Variants in GPD1L observed in about 807,000 individuals in gnomAD.
The protein encoded by GPD1L is glycerol-3-phosphate dehydrogenase 1 like.
In GPD1L, 17 loss-of-function variants were observed where a neutral mutation model predicts 32.9. The ratio of observed to expected loss-of-function variants is 0.52; its 90% CI spans 0.35 to 0.78. GPD1L has a LOEUF of 0.78. Among genes scored for constraint, GPD1L ranks in the 30% least tolerant of loss-of-function variants. The probability of loss-of-function intolerance (pLI) is 0.01; values close to 1 mark genes in which losing one functional copy is unlikely to be tolerated. For missense variants in GPD1L, 361 were observed against 447.8 expected, an observed-to-expected ratio of 0.81 and a Z score of 1.75; for synonymous variants, 187 against 165.9, an observed-to-expected ratio of 1.13 and a Z score of -0.98.
chr3:32,148,546 G>C (rs1700865973), intron 5 of GPD1L, among the ~76,000 whole-genome samples: 1 of 152,166 alleles, frequency 6.6e-6, no homozygotes, highest in South Asian at 2.1e-4. Flanking sequence ...TTTGAAAACT[G>C]AGAAACAGGC....
intron 1 of GPD1L, among the ~76,000 whole-genome samples, chr3:32,123,692 CG>C (rs1700457330): frequency 1.3e-5 from 2 of 151,476 alleles, no homozygotes; most frequent in Non-Finnish European, 2.9e-5. Flanking sequence ...ATGCGGGAGT[CG>C]AAAGACAGAC....
intron 5 of GPD1L, among the ~76,000 whole-genome samples, chr3:32,156,495 A>AT (rs1485112542): frequency 6.6e-6 from 1 of 152,216 alleles, no homozygotes; most frequent in Non-Finnish European, 1.5e-5. Flanking sequence ...GGGCCTTCCT[A>AT]TCCCCATCCT....
chr3:32,132,644 G>GCTTCCCAGGGATATGTGGGCC (rs1474249674), intron 2 of GPD1L, among the ~76,000 whole-genome samples: 11 of 152,234 alleles, frequency 7.2e-5, no homozygotes, highest in African/African-American at 1.2e-4. Flanking sequence ...CACTGGGAGA[G>GCTTCCCAGGGATATGTGGGCC]CTTCCCAGGG....
Position 32,128,278 on chromosome 3 carries a change from A to C in GPD1L, c.225+25A>C, listed in dbSNP as rs1277824868. ...GGTAAGACTTTGGGGTGAAATGTAC[A>C]TTGGTTCATTCTGCAAGTTGTGCTT... On this transcript the variant is annotated intron_variant, in intron 2 of 7. Transcript: ENST00000282541. 9 of 1,590,426 alleles carry C rather than the reference A, an allele frequency of 5.7e-6. No individual in the cohort carries two copies. The Admixed American group carries it at 1.5e-4, about 27-fold the overall frequency.
At position 32,167,256 on chromosome 3, in the gene GPD1L, G is replaced by A. The variant is rs1027676650; in HGVS notation, c.*1346G>A. ...TGTACACCTCTTGAAGGTGTCGAAT[G>A]TATGTTTATACATCAGTGGAACCCA... On this transcript the variant is annotated 3_prime_UTR_variant, in exon 8 of 8. Transcript: ENST00000282541. 1 of 152,214 alleles carries A rather than the reference G, an allele frequency of 6.6e-6. No homozygotes were observed. The highest frequency in any genetic ancestry group is 2.4e-5 in the African/African-American group (1 of 41,450). The allele number at this position is 152,214 out of a possible 1,614,324, so 9.4% of individuals were successfully genotyped here. A position where few individuals can be genotyped will look rare whatever the true frequency, so the allele number is the denominator to read the frequency against.
intron 5 of GPD1L, among the ~76,000 whole-genome samples, chr3:32,157,684 G>A (rs1175439472): frequency 2.0e-5 from 3 of 152,186 alleles, no homozygotes; most frequent in Non-Finnish European, 2.9e-5. Context: ...GCTGGTAAAC[G>A]TTTTCCATCA....
intron 5 of GPD1L, among the ~76,000 whole-genome samples, chr3:32,153,958 G>A (rs1248424038): frequency 1.3e-5 from 2 of 152,016 alleles, no homozygotes; most frequent in South Asian, 2.1e-4. Flanking sequence ...TGAAAATTAT[G>A]GTATTTTTAG....
In GPD1L at chr3:32,106,668, C is replaced by G; in HGVS notation, c.-44C>G. On this transcript the variant is annotated 5_prime_UTR_variant, in exon 1 of 8. Transcript: ENST00000282541. This position sits in a 1 kb window ranked among gnomAD's most constrained non-coding sequence, Gnocchi z 4.0. ...AGGCTGAACAGGCGGAGGTGGGCAGCCGGCCAGGGAAGCACGGTCCAGGCG... is the reference window on the plus strand; with the variant it reads ...AGGCTGAACAGGCGGAGGTGGGCAGGCGGCCAGGGAAGCACGGTCCAGGCG... 1 of 1,483,938 alleles carries G rather than the reference C, an allele frequency of 6.7e-7. No homozygotes were observed. Among genetic ancestry groups the G allele is most frequent in the Non-Finnish European group, 9.0e-7 (1 of 1,112,538 alleles). The allele number at this position is 1,483,938 out of a possible 1,614,324, so 91.9% of individuals were successfully genotyped here. A position where few individuals can be genotyped will look rare whatever the true frequency, so the allele number is the denominator to read the frequency against.
chr3:32,144,627 G>A (rs944765150), intron 4 of GPD1L, among the ~76,000 whole-genome samples: 1 of 152,086 alleles, frequency 6.6e-6, no homozygotes. Context: ...TAGCTGTTCT[G>A]TACAGATGCC....
chr3:32,159,169 G>A, intron 6 of GPD1L, 60 bp downstream of exon 6: 2 of 1,268,062 alleles, frequency 1.6e-6, no homozygotes, highest in East Asian at 2.4e-5. Flanking sequence ...CCTGGCTTGG[G>A]GTGAACTGCA....
chr3:32,118,084 A>G (rs1254753542), intron 1 of GPD1L, among the ~76,000 whole-genome samples: 1 of 152,182 alleles, frequency 6.6e-6, no homozygotes, highest in Non-Finnish European at 1.5e-5. Flanking sequence ...GCATCTGTGG[A>G]TTTCAGTTAA....
At chr3:32,164,454 G>C (rs1312292209) in intron 7 of GPD1L, among the ~76,000 whole-genome samples, 2 of 152,344 alleles carry the variant, frequency 1.3e-5, no homozygotes, top group Non-Finnish European at 2.9e-5. Context: ...TCTCGGTCCA[G>C]GACACACTAT....
At chr3:32,120,514 G>A (rs1700397229) in intron 1 of GPD1L, among the ~76,000 whole-genome samples, 1 of 152,098 alleles carries the variant, frequency 6.6e-6, no homozygotes, top group African/African-American at 2.4e-5. Context: ...TGGTGGGGGA[G>A]GTATATTTAA....
intron 4 of GPD1L, among the ~76,000 whole-genome samples, chr3:32,144,220 G>A (rs1000759555): frequency 6.6e-6 from 1 of 152,164 alleles, no homozygotes; most frequent in African/African-American, 2.4e-5. Flanking sequence ...TTCAGGAATC[G>A]TGGCCCACTT....
chr3:32,140,100 C>A (rs1220862931), intron 3 of GPD1L, 128 bp from the exon 4 acceptor site: 1 of 873,096 alleles, frequency 1.1e-6, no homozygotes, highest in South Asian at 1.3e-5. Context: ...TGTACATAGG[C>A]AGTATAGATG....
chr3:32,167,130 A>G lies in GPD1L; in HGVS notation c.*1220A>G, dbSNP rs1415026565. On this transcript the variant is annotated 3_prime_UTR_variant, in exon 8 of 8. Coordinates refer to ENST00000282541, the MANE Select transcript of GPD1L (RefSeq NM_015141.4). Reference sequence around the variant, plus strand: ...TTTAGAAAATCTGCTTTAACTTGGTATTCCTCTAATTGTGTTCCCTAGGAA... The same window carrying G: ...TTTAGAAAATCTGCTTTAACTTGGTGTTCCTCTAATTGTGTTCCCTAGGAA... 6.6e-6 allele frequency: 1 copy of G among 152,164 alleles called. No individual in the cohort carries two copies. Among genetic ancestry groups the G allele is most frequent in the African/African-American group, 2.4e-5 (1 of 41,420 alleles). 9.4% of individuals were successfully genotyped at this position (152,164 alleles called of 1,614,324 possible). A position where few individuals can be genotyped will look rare whatever the true frequency, so the allele number is the denominator to read the frequency against.
At chr3:32,132,433 TA>T (rs752969017) in intron 2 of GPD1L, among the ~76,000 whole-genome samples, 6 of 151,738 alleles carry the variant, frequency 4.0e-5, no homozygotes, top group African/African-American at 1.5e-4. Flanking sequence ...GGGCAAGACT[TA>T]AAAAAAAATT....
chr3:32,108,082 G>A (rs1429766888), intron 1 of GPD1L, among the ~76,000 whole-genome samples: 2 of 152,152 alleles, frequency 1.3e-5, no homozygotes, highest in Non-Finnish European at 2.9e-5. Context: ...AATGATATTT[G>A]ATTGAATAAT....
intron 5 of GPD1L, among the ~76,000 whole-genome samples, chr3:32,154,209 C>G (rs2125495187): frequency 1.3e-5 from 2 of 152,188 alleles, no homozygotes; most frequent in South Asian, 4.2e-4. Flanking sequence ...GGAGTTTACC[C>G]TGCACTAGGT....
Sources: allele counts gnomAD v4.1 joint callset (sites outside exome capture counted in the v4.1 genomes callset), GRCh38; gene constraint gnomAD v4.1.1; non-coding constraint Gnocchi (gnomAD v3.1); transcripts MANE v1.5; gene names NCBI Gene and HGNC (gene_info 2026-07-23, HGNC 2026-07-21).